MED13L: variants seen among roughly 807,000 people sequenced by gnomAD.
MED13L encodes mediator complex subunit 13L.
MED13L carries 7 observed loss-of-function variants against 220.9 expected under a neutral mutation model. That is an observed-to-expected ratio of 0.03 (90% CI 0.02 to 0.06). The LOEUF (loss-of-function observed/expected upper bound fraction) is 0.06. MED13L is among the 10% of genes least tolerant of loss of function. The pLI, the probability that MED13L is intolerant of heterozygous loss-of-function variation, is 1.00. For missense variants in MED13L, 1,965 were observed against 2,760.5 expected, an observed-to-expected ratio of 0.71 and a Z score of 6.46; for synonymous variants, 1,011 against 1,015.2, an observed-to-expected ratio of 1.00 and a Z score of 0.08.
chr12:116,158,319 CATT>C (rs1171072428), intron 2 of MED13L, among the ~76,000 whole-genome samples: 4 of 152,158 alleles, frequency 2.6e-5, no homozygotes, highest in Non-Finnish European at 4.4e-5. Context: ...TCTACTTTGA[CATT>C]ATCAGTAATC....
At chr12:116,244,270 A>G (rs532954646) in intron 1 of MED13L, among the ~76,000 whole-genome samples, 9 of 152,338 alleles carry the variant, frequency 5.9e-5, no homozygotes, top group Admixed American at 3.3e-4. Flanking sequence ...GTCACATGTA[A>G]TAGAAAACTT....
At chr12:115,984,674 G>A (rs757159004) in intron 19 of MED13L, among the ~76,000 whole-genome samples, 2 of 152,042 alleles carry the variant, frequency 1.3e-5, no homozygotes, top group African/African-American at 2.4e-5. Context: ...GATTGCTAAC[G>A]GACAAAGAAT....
intron 2 of MED13L, among the ~76,000 whole-genome samples, chr12:116,190,345 T>C (rs1881192078): frequency 6.6e-6 from 1 of 152,204 alleles, no homozygotes; most frequent in South Asian, 2.1e-4. Flanking sequence ...GATTATTATG[T>C]TTGATGTTTG....
At chr12:116,074,436 A>C (rs1272871669) in intron 4 of MED13L, among the ~76,000 whole-genome samples, 1 of 152,200 alleles carries the variant, frequency 6.6e-6, no homozygotes, top group Non-Finnish European at 1.5e-5. Flanking sequence ...TGACATTTAA[A>C]ATACGCCCAA....
At chr12:116,047,729 A>G (rs1163470312) in intron 4 of MED13L, among the ~76,000 whole-genome samples, 3 of 152,162 alleles carry the variant, frequency 2.0e-5, no homozygotes. Flanking sequence ...CTTCACCCTC[A>G]AGCAAAATCC....
intron 2 of MED13L, among the ~76,000 whole-genome samples, chr12:116,118,399 G>C (rs1048119961): frequency 1.5e-4 from 23 of 152,050 alleles, no homozygotes; most frequent in African/African-American, 4.8e-4. Context: ...AGCATTCAGT[G>C]TTTGGATTTA....
intron 14 of MED13L, among the ~76,000 whole-genome samples, chr12:115,999,841 C>G (rs1038295899): frequency 6.6e-6 from 1 of 152,104 alleles, no homozygotes; most frequent in Admixed American, 6.5e-5. Flanking sequence ...TTAATTTTAG[C>G]AAAGGTAAAC....
chr12:116,147,838 TTGAG>T (rs1271913178), intron 2 of MED13L, among the ~76,000 whole-genome samples: 8 of 151,858 alleles, frequency 5.3e-5, no homozygotes, highest in African/African-American at 1.7e-4. Context: ...CATAATATTA[TTGAG>T]TAACATGTAA....
intron 2 of MED13L, among the ~76,000 whole-genome samples, chr12:116,220,206 C>T (rs1023950738): frequency 1.3e-5 from 2 of 152,132 alleles, no homozygotes; most frequent in African/African-American, 2.4e-5. Context: ...AATCTTTTCA[C>T]AAAACATACC....
intron 2 of MED13L, among the ~76,000 whole-genome samples, chr12:116,123,215 A>G (rs943853319): frequency 2.0e-5 from 3 of 152,174 alleles, no homozygotes; most frequent in Non-Finnish European, 2.9e-5. Flanking sequence ...AGATTTCATG[A>G]CAGGCATTAC....
chr12:116,156,526 T>C (rs564737445), intron 2 of MED13L, among the ~76,000 whole-genome samples: 23 of 152,148 alleles, frequency 1.5e-4, no homozygotes, highest in African/African-American at 5.1e-4. Context: ...ATGTTGCACA[T>C]TGCAGGCCAA....
intron 2 of MED13L, among the ~76,000 whole-genome samples, chr12:116,212,021 AT>A (rs1882727872): frequency 6.6e-6 from 1 of 152,188 alleles, no homozygotes; most frequent in African/African-American, 2.4e-5. Context: ...CATATATCAC[AT>A]TTTTTTCTGA....
chr12:116,149,547 A>G (rs758842092), intron 2 of MED13L, among the ~76,000 whole-genome samples: 4 of 152,266 alleles, frequency 2.6e-5, no homozygotes, highest in Non-Finnish European at 5.9e-5. Context: ...AAGTCAAATG[A>G]TTACTAACAA....
intron 2 of MED13L, among the ~76,000 whole-genome samples, chr12:116,197,705 T>G (rs1368620832): frequency 6.6e-6 from 1 of 151,454 alleles, no homozygotes; most frequent in Non-Finnish European, 1.5e-5. Flanking sequence ...TCGGAGGTTG[T>G]GGTGAGCAGA....
chr12:116,163,581 T>C (rs1316567018), intron 2 of MED13L, among the ~76,000 whole-genome samples: 3 of 152,080 alleles, frequency 2.0e-5, no homozygotes, highest in Non-Finnish European at 4.4e-5. Context: ...GTCAGGCTGG[T>C]CTCGAATTCC....
chr12:116,059,424 T>TC (rs1869253856), intron 4 of MED13L, among the ~76,000 whole-genome samples: 1 of 151,868 alleles, frequency 6.6e-6, no homozygotes, highest in African/African-American at 2.4e-5. Context: ...GTACTTTTTT[T>TC]TTTTTTTTTG....
chr12:116,118,475 T>C (rs1292860200), intron 2 of MED13L, among the ~76,000 whole-genome samples: 1 of 152,186 alleles, frequency 6.6e-6, no homozygotes, highest in African/African-American at 2.4e-5. Flanking sequence ...AATCAATTTA[T>C]CATAAAAAAT....
At chr12:116,204,702 C>T (rs888963564) in intron 2 of MED13L, among the ~76,000 whole-genome samples, 5 of 152,156 alleles carry the variant, frequency 3.3e-5, no homozygotes, top group African/African-American at 7.2e-5. Flanking sequence ...CTTGTTCTGA[C>T]CCACTGTTTT....
At chr12:116,276,730 A>C in intron 1 of MED13L, 1 of 1,105,652 alleles carries the variant, frequency 9.0e-7, no homozygotes, top group Non-Finnish European at 1.2e-6. Context: ...AAAAGGGGGG[A>C]AAGGGGAGGA....
Sources: allele counts gnomAD v4.1 joint callset (sites outside exome capture counted in the v4.1 genomes callset), GRCh38; gene constraint gnomAD v4.1.1; transcripts MANE v1.5; gene names NCBI Gene and HGNC (gene_info 2026-07-23, HGNC 2026-07-21).